Variants in SIN3A observed in about 807,000 individuals in gnomAD.
The protein encoded by SIN3A is paired amphipathic helix protein Sin3a.
Under a neutral mutation model 146.1 loss-of-function variants are expected in SIN3A, and 14 were observed. The observed-to-expected ratio is 0.10, with a 90% CI of 0.06 to 0.15. The LOEUF is 0.15. Among genes scored for constraint, SIN3A ranks in the 10% least tolerant of loss-of-function variants. The pLI is 1.00. For missense variants in SIN3A, 1,028 were observed against 1,576.0 expected (o/e 0.65, Z 5.89); for synonymous variants, 572 against 572.0 (o/e 1.00, Z 0.00).
chr15:75,441,211 G>C (rs1310289452), intron 1 of SIN3A, among the ~76,000 whole-genome samples: 1 of 151,986 alleles, frequency 6.6e-6, no homozygotes, highest in African/African-American at 2.4e-5. Flanking sequence ...TCAGGAAGCT[G>C]AGTCAGTAGA....
At position 75,392,561 on chromosome 15, in the gene SIN3A, T is replaced by C; in HGVS notation, c.2532A>G (p.Val844=). ...TCTTAACTGCCCCTGTGGCTTCATC[T>C]ACATCCATCTCTTCTTCTTCCTCTT... ...VEEEEEEEMD[V]DEATGAVKKH... is the part of the protein sequence containing the mutation. Residue 844 remains valine (V), a synonymous_variant, in exon 15 of 21, where the codon GTA becomes GTG. Coordinates refer to ENST00000394947, the MANE Select transcript of SIN3A (RefSeq NM_001145358.2). 6.2e-7 allele frequency: 1 copy of C among 1,614,136 alleles called. No individual in the cohort carries two copies.
chr15:75,397,399 A>AG (rs2073325024), intron 12 of SIN3A, among the ~76,000 whole-genome samples: 1 of 152,184 alleles, frequency 6.6e-6, no homozygotes, highest in South Asian at 2.1e-4. Context: ...AGTTGTTATG[A>AG]GATGAGTAGA....
chr15:75,450,711 G>A (rs2074388064), intron 1 of SIN3A, among the ~76,000 whole-genome samples: 1 of 152,208 alleles, frequency 6.6e-6, no homozygotes, highest in African/African-American at 2.4e-5. Context: ...AGCCACAAGA[G>A]TAAGTCCTGA....
rs758548456 is a variant in SIN3A, at chr15:75,430,170, G to T, written c.189+17C>A. 2.5e-6 allele frequency: 4 copies of T among 1,596,338 alleles called. No individual in the cohort carries two copies. Among genetic ancestry groups the T allele is most frequent in the African/African-American group, 1.3e-5 (1 of 74,560 alleles). ...TTCTCTTCCCTCATTCTAGTCCCTT[G>T]GTTGGCTCCAGCTTACCTGGTAGCT... On this transcript the variant is annotated intron_variant, in intron 2 of 20. Coordinates refer to ENST00000394947, the MANE Select transcript of SIN3A (RefSeq NM_001145358.2).
chr15:75,409,772 T>C (rs1412934282), intron 8 of SIN3A, 64 bp downstream of exon 8: 3 of 1,536,436 alleles, frequency 2.0e-6, no homozygotes, highest in Admixed American at 1.8e-5. Flanking sequence ...TGACCACCTC[T>C]AGAGTACCTC....
chr15:75,407,820 G>C (rs2073543970), intron 8 of SIN3A, among the ~76,000 whole-genome samples: 1 of 145,420 alleles, frequency 6.9e-6, no homozygotes, highest in African/African-American at 2.6e-5. Flanking sequence ...TTGAACCCAG[G>C]AGGTGGAGGC....
At chr15:75,392,211 TCCTCTG>T (rs2073218329) in intron 15 of SIN3A, 25 bp downstream of exon 15, 4 of 1,590,370 alleles carry the variant, frequency 2.5e-6, no homozygotes, top group Admixed American at 1.7e-5. Flanking sequence ...ACCTCACACA[TCCTCTG>T]TAAATCAGAG....
In SIN3A at chr15:75,369,806, T is replaced by C. The variant is rs766209773; in HGVS notation, c.*2173A>G. 1 of 152,228 alleles carries C rather than the reference T, an allele frequency of 6.6e-6. No homozygotes were observed. The highest frequency in any genetic ancestry group is 1.5e-5 in the Non-Finnish European group (1 of 68,050). 9.4% of individuals were successfully genotyped at this position (152,228 alleles called of 1,614,324 possible). On this transcript the variant is annotated 3_prime_UTR_variant, in exon 21 of 21. Coordinates refer to ENST00000394947, the MANE Select transcript of SIN3A (RefSeq NM_001145358.2). Reference sequence around the variant, plus strand: ...AGGGAACACGGGGATAGGTGAATTATTTGAGAAAACCTCAAGATCTTTCCC... The same window carrying C: ...AGGGAACACGGGGATAGGTGAATTACTTGAGAAAACCTCAAGATCTTTCCC...
intron 16 of SIN3A, among the ~76,000 whole-genome samples, chr15:75,385,111 T>C (rs1168767094): frequency 1.3e-5 from 2 of 152,130 alleles, no homozygotes; most frequent in African/African-American, 4.8e-5. Flanking sequence ...AGATGGAGGT[T>C]GCAGTGAGCC....
chr15:75,391,230 A>G (rs975160225), intron 15 of SIN3A, among the ~76,000 whole-genome samples: 5 of 152,184 alleles, frequency 3.3e-5, no homozygotes, highest in African/African-American at 1.2e-4. Context: ...TGTCCAAACA[A>G]GCTGTGGTAA....
Position 75,412,955 on chromosome 15 carries a change from A to G in SIN3A, c.564T>C (p.Pro188=), listed in dbSNP as rs1286491350. The change falls in exon 5 of 21, where the codon CCT becomes CCC. Residue 188 remains proline (P), a synonymous_variant. Coordinates refer to ENST00000394947, the MANE Select transcript of SIN3A (RefSeq NM_001145358.2). ...LIMGFNTFLP[P]GYKIEVQTND... ...TGGTTTGCACCTCAATTTTGTAGCC[A>G]GGGGGCAAGAAGGTGTTGAATCCCA... The G allele has an allele frequency of 3.7e-6, 6 of 1,614,128 alleles. No individual in the cohort carries two copies. Among genetic ancestry groups the G allele is most frequent in the Non-Finnish European group, 4.2e-6 (5 of 1,180,018 alleles).
intron 1 of SIN3A, chr15:75,447,679 G>GT (rs1376089089): frequency 2.0e-5 from 3 of 152,260 alleles, no homozygotes; most frequent in African/African-American, 7.2e-5. Context: ...TTGCATTTCA[G>GT]AACTGCAAAT....
chr15:75,435,655 G>A lies in SIN3A; in HGVS notation c.-33-5247C>T, dbSNP rs1040558455. Among the ~76,000 whole-genome samples the A allele has an allele frequency of 6.8e-5, 10 of 146,924 alleles. No homozygotes were observed. The South Asian group carries it at 1.5e-3, about 22-fold the overall frequency. On this transcript the variant is annotated intron_variant, in intron 1 of 20. Transcript: ENST00000394947. ...AGAGGTTGAGGTGAGCCAAGATGGCGCCACTGCACTCCAGCCTGGGCAACA... is the reference window on the plus strand; with the variant it reads ...AGAGGTTGAGGTGAGCCAAGATGGCACCACTGCACTCCAGCCTGGGCAACA...
At chr15:75,428,640 C>T (rs1372937251) in intron 2 of SIN3A, among the ~76,000 whole-genome samples, 1 of 152,166 alleles carries the variant, frequency 6.6e-6, no homozygotes, top group Non-Finnish European at 1.5e-5. Context: ...GCTAGGAACA[C>T]AAGTGTGCAC....
chr15:75,439,521 T>G (rs1395947226), intron 1 of SIN3A, among the ~76,000 whole-genome samples: 5 of 151,646 alleles, frequency 3.3e-5, no homozygotes, highest in African/African-American at 1.2e-4. Context: ...TTTTTTTGTA[T>G]TTTTTAGTAG....
At chr15:75,378,733 T>C (rs1448480001) in intron 19 of SIN3A, among the ~76,000 whole-genome samples, 9 of 152,074 alleles carry the variant, frequency 5.9e-5, no homozygotes, top group Admixed American at 5.9e-4. Context: ...ATGCAACAGA[T>C]TGAATATAGA....
At chr15:75,403,926 T>C (rs1413193306) in intron 9 of SIN3A, among the ~76,000 whole-genome samples, 1 of 152,242 alleles carries the variant, frequency 6.6e-6, no homozygotes, top group Non-Finnish European at 1.5e-5. Flanking sequence ...TAACGCTCTC[T>C]TAAGATAGTT....
chr15:75,454,118 T>G (rs1417449617), upstream of SIN3A, among the ~76,000 whole-genome samples: 1 of 151,972 alleles, frequency 6.6e-6, no homozygotes, highest in Non-Finnish European at 1.5e-5. Context: ...GGGCGGGACC[T>G]TGCGCCTCAC....
intron 19 of SIN3A, among the ~76,000 whole-genome samples, chr15:75,377,778 A>G (rs1379694358): frequency 6.6e-6 from 1 of 152,244 alleles, no homozygotes; most frequent in Admixed American, 6.5e-5. Context: ...TGGTATTCTT[A>G]TAGAAAAGCA....
Sources: allele counts gnomAD v4.1 joint callset (sites outside exome capture counted in the v4.1 genomes callset), GRCh38; gene constraint gnomAD v4.1.1; transcripts MANE v1.5; gene names NCBI Gene and HGNC (gene_info 2026-07-23, HGNC 2026-07-21).